The following MEIKIN variants were observed in gnomAD, a reference collection of about 807,000 sequenced individuals.
MEIKIN encodes the protein meiosis-specific kinetochore protein.
At position 131,944,672 on chromosome 5, in the gene MEIKIN, G is replaced by A. The variant is rs1455088711; in HGVS notation, c.281C>T (p.Ser94Leu). The A allele has an allele frequency of 5.0e-6, 2 of 399,040 alleles. No individual in the cohort carries two copies. The highest frequency in any genetic ancestry group is 3.6e-5 in the East Asian group (1 of 28,072). The allele number at this position is 399,040 out of a possible 1,614,324, so 24.7% of individuals were successfully genotyped here. The change falls in exon 3 of 13, where the codon TCG becomes TTG. Residue 94 changes from serine to leucine, a missense_variant. Physicochemically the swap from Ser to Leu is moderately radical, Grantham distance 145. Coordinates refer to ENST00000442687, the MANE Select transcript of MEIKIN (RefSeq NM_001303622.2). ...SEDTQDEKIASLRESVTDDLQ... is the reference protein window; with the variant it reads ...SEDTQDEKIALLRESVTDDLQ... ...AAAGAGAAGCATACATACACGCAACGATGCAATCTTCTCATCCTGGGTGTC... is the reference window on the plus strand; with the variant it reads ...AAAGAGAAGCATACATACACGCAACAATGCAATCTTCTCATCCTGGGTGTC...
In MEIKIN at chr5:131,932,108, A is replaced by T. The variant is rs542211807; in HGVS notation, c.478+1405T>A. Among the ~76,000 whole-genome samples the T allele has an allele frequency of 2.0e-5, 3 of 152,252 alleles. No homozygotes were observed. The South Asian group carries it at 6.2e-4, about 32-fold the overall frequency. The stretch of plus-strand genomic sequence containing the variant: ...TTCCATTTTCTCAGCAGAAGGTTCA[A>T]GTCTGGGAAGCTGACAAGAAAAATG... On this transcript the variant is annotated intron_variant, in intron 5 of 12. Coordinates refer to ENST00000442687, the MANE Select transcript of MEIKIN (RefSeq NM_001303622.2).
chr5:131,811,766 C>T (rs1304515196), intron 12 of MEIKIN, among the ~76,000 whole-genome samples: 2 of 152,140 alleles, frequency 1.3e-5, no homozygotes, highest in African/African-American at 4.8e-5. Context: ...ATCACCACGC[C>T]CAGCTAATTT....
chr5:131,938,198 G>A (rs1355104973), intron 4 of MEIKIN, among the ~76,000 whole-genome samples: 7 of 124,026 alleles, frequency 5.6e-5, no homozygotes, highest in African/African-American at 1.6e-4. Flanking sequence ...ATGGAGTCTC[G>A]CTCTCTCACC....
chr5:131,913,405 C>A (rs1751361259), intron 7 of MEIKIN, among the ~76,000 whole-genome samples: 1 of 152,194 alleles, frequency 6.6e-6, no homozygotes, highest in South Asian at 2.1e-4. Flanking sequence ...AAGCACCTAA[C>A]AGACCCTCTT....
At chr5:131,809,993 G>A (rs1207259890) in intron 12 of MEIKIN, among the ~76,000 whole-genome samples, 1 of 152,104 alleles carries the variant, frequency 6.6e-6, no homozygotes, top group African/African-American at 2.4e-5. Flanking sequence ...AATTCTTTGA[G>A]GTAAGAACTA....
intron 8 of MEIKIN, among the ~76,000 whole-genome samples, chr5:131,900,796 T>C (rs1277263804): frequency 6.6e-6 from 1 of 152,050 alleles, no homozygotes; most frequent in Non-Finnish European, 1.5e-5. Context: ...AGCAGCATCA[T>C]AGCTCCTGTG....
intron 11 of MEIKIN, among the ~76,000 whole-genome samples, chr5:131,825,995 A>C (rs1580860820): frequency 1.3e-5 from 2 of 152,346 alleles, no homozygotes; most frequent in South Asian, 4.1e-4. Context: ...GAATAAAGGC[A>C]AATTAAAGGC....
chr5:131,879,348 C>A (rs1750667191), intron 8 of MEIKIN, among the ~76,000 whole-genome samples: 1 of 152,066 alleles, frequency 6.6e-6, no homozygotes, highest in South Asian at 2.1e-4. Context: ...ATTATCCTAC[C>A]ATTTCCACTC....
chr5:131,907,951 T>C (rs912041885), intron 8 of MEIKIN, among the ~76,000 whole-genome samples: 8 of 152,086 alleles, frequency 5.3e-5, no homozygotes, highest in African/African-American at 1.9e-4. Flanking sequence ...AAAAGTCTCC[T>C]GGTAAAGAAA....
At chr5:131,827,068 T>C (rs1749628585) in intron 11 of MEIKIN, among the ~76,000 whole-genome samples, 1 of 152,200 alleles carries the variant, frequency 6.6e-6, no homozygotes, top group South Asian at 2.1e-4. Flanking sequence ...TACTGCAGCC[T>C]CAAACTCCTG....
chr5:131,913,464 T>C (rs901715237), intron 7 of MEIKIN, among the ~76,000 whole-genome samples: 14 of 152,190 alleles, frequency 9.2e-5, no homozygotes, highest in Admixed American at 9.2e-4. Context: ...CCCAGTGACA[T>C]ATGTTGAACC....
At chr5:131,856,578 G>A (rs1268241910) in intron 9 of MEIKIN, among the ~76,000 whole-genome samples, 1 of 152,116 alleles carries the variant, frequency 6.6e-6, no homozygotes, top group Non-Finnish European at 1.5e-5. Flanking sequence ...ACTGAAGACT[G>A]GGGCTATCCC....
At chr5:131,913,670 C>T (rs1751364658) in intron 7 of MEIKIN, among the ~76,000 whole-genome samples, 1 of 152,208 alleles carries the variant, frequency 6.6e-6, no homozygotes, top group Non-Finnish European at 1.5e-5. Context: ...TGGGTTTTGA[C>T]TTCACCTTTT....
At chr5:131,853,134 T>A (rs6596038) in intron 10 of MEIKIN, among the ~76,000 whole-genome samples, 15,657 of 152,134 alleles carry the variant, frequency 0.1, 1,897 homozygotes, top group African/African-American at 0.3. Flanking sequence ...TTGCTTATGG[T>A]AAAAATAATG....
chr5:131,915,517 C>T (rs1355653295), intron 7 of MEIKIN, among the ~76,000 whole-genome samples: 2 of 152,104 alleles, frequency 1.3e-5, no homozygotes, highest in Non-Finnish European at 2.9e-5. Flanking sequence ...GACTATTTGT[C>T]CAAACTGGAA....
chr5:131,917,455 A>T (rs1331360499), intron 6 of MEIKIN, among the ~76,000 whole-genome samples: 1 of 151,498 alleles, frequency 6.6e-6, no homozygotes, highest in African/African-American at 2.4e-5. Context: ...AATCCCAGCT[A>T]CTTGGGAGGC....
chr5:131,885,368 AGAGAGAGAGAGAGAGAG>A (rs1750770857), intron 8 of MEIKIN, among the ~76,000 whole-genome samples: 13 of 39,448 alleles, frequency 3.3e-4, no homozygotes, highest in African/African-American at 8.0e-4. Context: ...AGAGAGAGAG[AGAGAGAGAGAGAGAGAG>A]AGAGAGAGAG....
chr5:131,889,506 CCT>C (rs1030057647), intron 8 of MEIKIN, among the ~76,000 whole-genome samples: 19 of 151,916 alleles, frequency 1.3e-4, no homozygotes, highest in African/African-American at 4.6e-4. Flanking sequence ...GATTTGGCTC[CCT>C]GTTTCTCTGT....
intron 9 of MEIKIN, among the ~76,000 whole-genome samples, chr5:131,873,739 T>C (rs888488450): frequency 2.4e-4 from 36 of 152,174 alleles, no homozygotes; most frequent in Non-Finnish European, 1.6e-4. Context: ...AACACATAGT[T>C]GGAAGTAAAG....
Sources: gnomAD v4.1 joint callset for allele counts (sites outside exome capture counted in the v4.1 genomes callset) on GRCh38, gnomAD v4.1.1 for gene constraint, MANE v1.5 for transcripts, NCBI Gene and HGNC (gene_info 2026-07-23, HGNC 2026-07-21) for gene names.